NTM: variants seen among roughly 807,000 people sequenced by gnomAD.
NTM encodes the protein IgLON family member 2.
In NTM, 13 loss-of-function variants were observed where a neutral mutation model predicts 42.1. The ratio of observed to expected loss-of-function variants is 0.31; its 90% confidence interval spans 0.20 to 0.49. NTM has a LOEUF of 0.49. NTM is among the 20% of genes least tolerant of loss of function. The pLI is 0.99. For synonymous variants in NTM, 187 were observed against 179.2 expected, an observed-to-expected ratio of 1.04 and a Z score of -0.35; for missense variants, 373 against 452.8, an observed-to-expected ratio of 0.82 and a Z score of 1.60.
At chr11:132,281,359 A>G (rs1213852250) in intron 4 of NTM, among the ~76,000 whole-genome samples, 1 of 152,208 alleles carries the variant, frequency 6.6e-6, no homozygotes, top group African/African-American at 2.4e-5. Context: ...AATATCTGAC[A>G]GTGTCTAGGT....
chr11:131,392,272 T>G, intron 1 of NTM, among the ~76,000 whole-genome samples: 1 of 149,298 alleles, frequency 6.7e-6, no homozygotes. Context: ...GGGATGGGAG[T>G]CCTGTGTGCA....
intron 2 of NTM, among the ~76,000 whole-genome samples, chr11:132,078,019 T>C (rs141095511): frequency 0.014 from 2,069 of 152,258 alleles, 25 homozygotes; most frequent in Non-Finnish European, 0.021. Flanking sequence ...AATAGAAATG[T>C]ATAAAAGGAT....
chr11:131,492,871 CTGTT>C (rs984296046), intron 1 of NTM, among the ~76,000 whole-genome samples: 3 of 152,240 alleles, frequency 2.0e-5, no homozygotes, highest in Admixed American at 1.3e-4. Flanking sequence ...AAGCTGCAAA[CTGTT>C]TGGCCTCTTG....
chr11:131,771,917 G>A (rs182552349), intron 1 of NTM, among the ~76,000 whole-genome samples: 2 of 152,170 alleles, frequency 1.3e-5, no homozygotes, highest in South Asian at 2.1e-4. Flanking sequence ...GTGAGAAGAC[G>A]TCATCCATAA....
At chr11:132,221,089 G>A (rs77572423) in intron 4 of NTM, among the ~76,000 whole-genome samples, 16 of 152,194 alleles carry the variant, frequency 1.1e-4, no homozygotes, top group Admixed American at 2.6e-4. Context: ...AGAAACTTTC[G>A]GATGAAAACG....
chr11:131,610,712 G>C (rs972744725), intron 1 of NTM, among the ~76,000 whole-genome samples: 6 of 152,208 alleles, frequency 3.9e-5, no homozygotes, highest in Admixed American at 3.9e-4. Context: ...GGGCAGGCAG[G>C]GGGTAAGACC....
In NTM at chr11:131,424,600, C is replaced by CTTTTCTTTTTTTTTTTTTTT. The variant is rs1555108116; in HGVS notation, c.82+53716_82+53717insCTTTTTTTTTTTTTTTTTTT. On this transcript the variant is annotated intron_variant, in intron 1 of 8. Coordinates refer to ENST00000683400, the MANE Select transcript of NTM (RefSeq NM_001352005.2). ...AGTTGTTTTTTATTTCTTTTCTTTT[C>CTTTTCTTTTTTTTTTTTTTT]TTTTTTTTTTTTTTTTTTGGCGCAA... Among the ~76,000 whole-genome samples, 28 of 56,038 alleles carry CTTTTCTTTTTTTTTTTTTTT rather than the reference C, an allele frequency of 5.0e-4. 3 individuals carry two copies. Among genetic ancestry groups the CTTTTCTTTTTTTTTTTTTTT allele is most frequent in the South Asian group, 7.3e-4 (1 of 1,368 alleles). 36.8% of individuals were successfully genotyped at this position (56,038 alleles called of 152,430 possible).
intron 1 of NTM, among the ~76,000 whole-genome samples, chr11:131,677,438 G>A (rs763233789): frequency 6.6e-5 from 10 of 152,194 alleles, no homozygotes; most frequent in Non-Finnish European, 1.5e-4. Flanking sequence ...GGTGCCTGAA[G>A]CTAGAACTGC....
At chr11:131,794,840 C>T (rs1418025285) in intron 1 of NTM, 1 of 985,272 alleles carries the variant, frequency 1.0e-6, no homozygotes, top group Non-Finnish European at 1.2e-6. Flanking sequence ...AAAGCCCAGG[C>T]AGAAAGCTGC....
At chr11:131,868,084 G>C (rs1369396422) in intron 1 of NTM, among the ~76,000 whole-genome samples, 1 of 152,146 alleles carries the variant, frequency 6.6e-6, no homozygotes, top group Non-Finnish European at 1.5e-5. Flanking sequence ...ATCGTACCTT[G>C]CTTTATTTCA....
intron 1 of NTM, among the ~76,000 whole-genome samples, chr11:131,416,308 A>T (rs1485849573): frequency 6.6e-6 from 1 of 152,104 alleles, no homozygotes; most frequent in Non-Finnish European, 1.5e-5. Context: ...GAGAGGAACT[A>T]GAGGGTACGA....
intron 1 of NTM, among the ~76,000 whole-genome samples, chr11:131,580,773 G>T (rs2058337007): frequency 6.6e-6 from 1 of 152,182 alleles, no homozygotes; most frequent in Non-Finnish European, 1.5e-5. Context: ...CTTGCATCAT[G>T]CTTGTCCCAT....
chr11:131,701,792 G>A (rs2076098692), intron 1 of NTM, among the ~76,000 whole-genome samples: 1 of 152,154 alleles, frequency 6.6e-6, no homozygotes, highest in Non-Finnish European at 1.5e-5. Flanking sequence ...CCATCAGATG[G>A]AAGGCCAGGA....
At chr11:131,931,259 CA>C (rs1486379825) in intron 2 of NTM, among the ~76,000 whole-genome samples, 1 of 151,738 alleles carries the variant, frequency 6.6e-6, no homozygotes, top group Non-Finnish European at 1.5e-5. Flanking sequence ...CCAGCCTGGG[CA>C]AAACCCTGTC....
rs764296864 is a variant in NTM, at chr11:132,307,550, CCA to C, written c.527-134_527-133del. 1.1e-3 allele frequency: 1,325 copies of C among 1,182,804 alleles called. 2 individuals are homozygous for C. The highest frequency in any genetic ancestry group is 1.6e-3 in the South Asian group (107 of 66,664). 73.3% of individuals were successfully genotyped at this position (1,182,804 alleles called of 1,614,324 possible). On this transcript the variant is annotated intron_variant, in intron 4 of 8. Coordinates refer to ENST00000683400, the MANE Select transcript of NTM (RefSeq NM_001352005.2). ...GTAGAAGAGACGGAGGAGGGATAAC[CCA>C]CACAGTTCCTCAGAATCTGAACTTA...
chr11:131,738,250 C>T (rs2080738517), intron 1 of NTM, among the ~76,000 whole-genome samples: 1 of 152,226 alleles, frequency 6.6e-6, no homozygotes, highest in South Asian at 2.1e-4. Flanking sequence ...GAGTTGCTTG[C>T]CACAGTGTGG....
chr11:131,997,869 T>C (rs1281532211), intron 2 of NTM, among the ~76,000 whole-genome samples: 1 of 151,944 alleles, frequency 6.6e-6, no homozygotes, highest in Admixed American at 6.6e-5. Flanking sequence ...AGTACTGGGG[T>C]TTTGGCATTT....
intron 2 of NTM, among the ~76,000 whole-genome samples, chr11:132,017,409 C>G (rs898354971): frequency 6.6e-6 from 1 of 151,926 alleles, no homozygotes; most frequent in African/African-American, 2.4e-5. Context: ...ACTGAGTTGT[C>G]TTAACACTTT....
At chr11:132,238,252 C>A (rs2089469271) in intron 4 of NTM, among the ~76,000 whole-genome samples, 1 of 151,922 alleles carries the variant, frequency 6.6e-6, no homozygotes, top group African/African-American at 2.4e-5. Context: ...GTGAGCGAGC[C>A]CCGCCCAGAG....
Sources: allele counts gnomAD v4.1 joint callset (sites outside exome capture counted in the v4.1 genomes callset), GRCh38; gene constraint gnomAD v4.1.1; transcripts MANE v1.5; gene names NCBI Gene and HGNC (gene_info 2026-07-23, HGNC 2026-07-21).